The following ZBTB8OS variants were observed in gnomAD, a reference collection of about 807,000 sequenced individuals.
The protein encoded by ZBTB8OS is tRNA splicing ligase complex subunit 1.
ZBTB8OS carries 16 observed loss-of-function variants against 29.3 expected under a neutral mutation model. The ratio of observed to expected loss-of-function variants is 0.55; its 90% CI spans 0.37 to 0.83. The LOEUF is 0.83. Among genes scored for constraint, ZBTB8OS ranks in the 40% least tolerant of loss-of-function variants. The probability of loss-of-function intolerance (pLI) is 0.00; values close to 1 mark genes in which losing one functional copy is unlikely to be tolerated. For missense variants in ZBTB8OS, 160 were observed against 196.9 expected (o/e 0.81, Z 1.12); for synonymous variants, 70 against 64.6 (o/e 1.08, Z -0.40).
In ZBTB8OS at chr1:32,646,395, TA is replaced by T. The variant is rs1425710415; in HGVS notation, c.97+4037del. Among the ~76,000 whole-genome samples, 21 of 151,946 alleles carry T rather than the reference TA, an allele frequency of 1.4e-4. No individual in the cohort carries two copies. In the South Asian group the frequency reaches 1.5e-3, roughly 11 times the overall value. On this transcript the variant is annotated intron_variant, in intron 1 of 6. Coordinates refer to ENST00000468695, the MANE Select transcript of ZBTB8OS (RefSeq NM_178547.5). ...CAATTAAAGTTTTTTATTTTATTAT[TA>T]TTTTTTTTTGAGAAAGAGTCTCACT... is the stretch of plus-strand genomic sequence containing the variant.
intron 1 of ZBTB8OS, among the ~76,000 whole-genome samples, chr1:32,647,280 A>C (rs1211633313): frequency 1.2e-5 from 1 of 82,286 alleles, no homozygotes; most frequent in Non-Finnish European, 2.9e-5. Flanking sequence ...AAAAAAAAAA[A>C]AAAAAAATTA....
At chr1:32,633,317 T>G (rs1570567417) in intron 4 of ZBTB8OS, 1 of 202,666 alleles carries the variant, frequency 4.9e-6, no homozygotes, top group Non-Finnish European at 9.9e-6. Context: ...AAGCTAGGAG[T>G]TCAAGACTAG....
At chr1:32,632,508 G>C (rs984318740) in intron 4 of ZBTB8OS, among the ~76,000 whole-genome samples, 2 of 151,978 alleles carry the variant, frequency 1.3e-5, no homozygotes, top group Admixed American at 6.6e-5. Flanking sequence ...TTCACCTCCC[G>C]AGCTCAAGCA....
chr1:32,638,151 A>G (rs1448846029), intron 1 of ZBTB8OS, among the ~76,000 whole-genome samples: 1 of 151,684 alleles, frequency 6.6e-6, no homozygotes, highest in African/African-American at 2.4e-5. Context: ...TTATATTTCA[A>G]TTAAAAAAAA....
Position 32,621,220 on chromosome 1 carries a change from G to A in ZBTB8OS, c.*642C>T, listed in dbSNP as rs1480856538. 2.0e-5 allele frequency: 3 copies of A among 152,142 alleles called. No homozygotes were observed. The highest frequency in any genetic ancestry group is 4.4e-5 in the Non-Finnish European group (3 of 68,086). 9.4% of individuals were successfully genotyped at this position (152,142 alleles called of 1,614,324 possible). ...TCAAGACCATCCTAGCTAACACAGT[G>A]AAACCCCGTCTCTACTAAAGATACA... On this transcript the variant is annotated 3_prime_UTR_variant, in exon 7 of 7. Transcript: ENST00000468695.
chr1:32,632,793 G>A (rs1413292914), intron 4 of ZBTB8OS, among the ~76,000 whole-genome samples: 3 of 152,164 alleles, frequency 2.0e-5, no homozygotes, highest in South Asian at 4.1e-4. Flanking sequence ...TACCTCTGCC[G>A]CTGCTGTACA....
chr1:32,634,087 T>C lies in ZBTB8OS; in HGVS notation c.123-15A>G. On this transcript the variant is annotated splice_polypyrimidine_tract_variant and intron_variant, in intron 2 of 6. Transcript: ENST00000468695. The stretch of plus-strand genomic sequence containing the variant: ...ATGCGTGTAACCTAAAGAAGTATAT[T>C]CATGCTCTGTGTAATACAATCCACT... 4 of 1,532,826 alleles carry C rather than the reference T, an allele frequency of 2.6e-6. No homozygotes were observed. The highest frequency in any genetic ancestry group is 3.5e-6 in the Non-Finnish European group (4 of 1,148,938). 95.0% of individuals were successfully genotyped at this position (1,532,826 alleles called of 1,614,324 possible).
rs786695 is a variant in ZBTB8OS, at chr1:32,626,125, G to A, written c.417+1383C>T. On this transcript the variant is annotated intron_variant, in intron 6 of 6. Transcript: ENST00000468695. ...TGACTTCAGGTGATTCACCCACCTCGGCCTCCCAAAATGCGGGGATTACAG... is the reference window on the plus strand; with the variant it reads ...TGACTTCAGGTGATTCACCCACCTCAGCCTCCCAAAATGCGGGGATTACAG... 6.6e-5 allele frequency among the ~76,000 whole-genome samples: 10 copies of A among 152,172 alleles called. No homozygotes were observed. The East Asian group carries it at 1.7e-3, about 26-fold the overall frequency.
At position 32,621,959 on chromosome 1, in the gene ZBTB8OS, G is replaced by T. The variant is rs758444599; in HGVS notation, c.418-11C>A. The T allele has an allele frequency of 1.3e-6, 2 of 1,513,092 alleles. No homozygotes were observed. The highest frequency in any genetic ancestry group is 2.4e-5 in the Admixed American group (1 of 42,406). The allele number at this position is 1,513,092 out of a possible 1,614,324, so 93.7% of individuals were successfully genotyped here. On this transcript the variant is annotated splice_polypyrimidine_tract_variant and intron_variant, in intron 6 of 6. Coordinates refer to ENST00000468695, the MANE Select transcript of ZBTB8OS (RefSeq NM_178547.5). Reference sequence around the variant, plus strand: ...TTTGACTTCTGTTCCCTAAAGTTGGGGTTAGAGAAAAAAAAAAAAAAAAGG... The same window carrying T: ...TTTGACTTCTGTTCCCTAAAGTTGGTGTTAGAGAAAAAAAAAAAAAAAAGG...
chr1:32,637,463 G>A (rs12023613), intron 1 of ZBTB8OS, among the ~76,000 whole-genome samples: 15,906 of 151,800 alleles, frequency 0.1, 1,493 homozygotes, highest in African/African-American at 0.24. Flanking sequence ...AGCTACTCCG[G>A]AAGCTGAGGC....
At chr1:32,640,117 G>A (rs1477103855) in intron 1 of ZBTB8OS, 1 of 143,230 alleles carries the variant, frequency 7.0e-6, no homozygotes, top group Non-Finnish European at 1.5e-5. Context: ...TTTTTTTTTT[G>A]AGACAGTCTT....
intron 1 of ZBTB8OS, among the ~76,000 whole-genome samples, chr1:32,642,324 T>C (rs756882602): frequency 5.3e-5 from 8 of 151,962 alleles, no homozygotes; most frequent in Non-Finnish European, 1.0e-4. Flanking sequence ...GCCAACGTGG[T>C]GAAACCCCGT....
chr1:32,629,127 T>C (rs1645345150), intron 5 of ZBTB8OS, among the ~76,000 whole-genome samples: 1 of 151,802 alleles, frequency 6.6e-6, no homozygotes, highest in Non-Finnish European at 1.5e-5. Context: ...ACTAGTTAAG[T>C]AGGCTGGGTG....
In ZBTB8OS at chr1:32,650,438, T is replaced by C. The variant is rs879095257; in HGVS notation, c.92A>G (p.Tyr31Cys). The part of the protein sequence containing the change: ...KAKYPPVNRK[Y>C]EYLDHTADVQ... ...GAAGTAAGCCACCTACTCACACTCG[T>C]ACTTCCTATTGACTGGCGGATACTT... Residue 31 changes from tyrosine to cysteine, a missense_variant, in exon 1 of 7, where the codon TAC becomes TGC. Tyr to Cys is a radical substitution (Grantham distance 194, BLOSUM62 -2). Transcript: ENST00000468695. The C allele has an allele frequency of 3.1e-6, 5 of 1,614,206 alleles. No homozygotes were observed. The highest frequency in any genetic ancestry group is 4.2e-6 in the Non-Finnish European group (5 of 1,180,032).
chr1:32,633,190 G>C (rs1403408271), intron 4 of ZBTB8OS: 1 of 152,550 alleles, frequency 6.6e-6, no homozygotes, highest in Non-Finnish European at 1.5e-5. Flanking sequence ...AGGAAAAAAT[G>C]GATGGACATA....
chr1:32,624,728 T>C (rs1409834538), intron 6 of ZBTB8OS, among the ~76,000 whole-genome samples: 1 of 151,332 alleles, frequency 6.6e-6, no homozygotes, highest in African/African-American at 2.4e-5. Context: ...ACCCCACCTC[T>C]ACTAAAAATA....
intron 6 of ZBTB8OS, among the ~76,000 whole-genome samples, chr1:32,623,628 T>G (rs1282369541): frequency 1.3e-5 from 2 of 152,102 alleles, no homozygotes; most frequent in African/African-American, 4.8e-5. Context: ...TATACTCCCC[T>G]TACCAAATTT....
chr1:32,635,232 C>A (rs1645864333), intron 1 of ZBTB8OS, among the ~76,000 whole-genome samples: 1 of 151,752 alleles, frequency 6.6e-6, no homozygotes, highest in South Asian at 2.1e-4. Flanking sequence ...TAGCACATTC[C>A]CATTGGATCT....
intron 1 of ZBTB8OS, among the ~76,000 whole-genome samples, chr1:32,644,871 A>C (rs192528653): frequency 2.0e-5 from 3 of 152,054 alleles, no homozygotes; most frequent in Non-Finnish European, 4.4e-5. Flanking sequence ...CGCACTTAAA[A>C]TTAAAAATAA....
Sources: allele counts gnomAD v4.1 joint callset (sites outside exome capture counted in the v4.1 genomes callset), GRCh38; gene constraint gnomAD v4.1.1; transcripts MANE v1.5; gene names NCBI Gene and HGNC (gene_info 2026-07-23, HGNC 2026-07-21).